The following MPDZ variants were observed in gnomAD, a reference collection of about 807,000 sequenced individuals.
MPDZ encodes multiple PDZ domain protein.
Under a neutral mutation model 239.1 loss-of-function variants are expected in MPDZ, and 234 were observed. The ratio of observed to expected loss-of-function variants is 0.98; its 90% CI spans 0.88 to 1.09. The LOEUF (loss-of-function observed/expected upper bound fraction) is 1.09. Among genes scored for constraint, MPDZ ranks in the 50% least tolerant of loss-of-function variants. MPDZ has a pLI of 0.00. For missense variants in MPDZ, 3,175 were observed against 2,510.0 expected (o/e 1.26, Z -5.66); for synonymous variants, 1,048 against 881.3 (o/e 1.19, Z -3.35).
At chr9:13,182,996 T>A (rs1397510862) in intron 19 of MPDZ, among the ~76,000 whole-genome samples, 1 of 152,166 alleles carries the variant, frequency 6.6e-6, no homozygotes, top group Admixed American at 6.6e-5. Flanking sequence ...TTAACTTAGC[T>A]AGTAAATGTT....
Position 13,167,681 on chromosome 9 carries a change from C to T in MPDZ, c.3254+685G>A, listed in dbSNP as rs1951244922. Among the ~76,000 whole-genome samples, 3 of 152,218 alleles carry T rather than the reference C, an allele frequency of 2.0e-5. No homozygotes were observed. In the South Asian group the frequency reaches 6.2e-4, roughly 32 times the overall value. On this transcript the variant is annotated intron_variant, in intron 22 of 46. Transcript: ENST00000319217. ...CAATGATTAATGCTAGAGGAAAATGCCACATTGATGAAGTGTCACAATAAA... is the reference window on the plus strand; with the variant it reads ...CAATGATTAATGCTAGAGGAAAATGTCACATTGATGAAGTGTCACAATAAA...
At chr9:13,123,896 T>C (rs1283157333) in intron 35 of MPDZ, among the ~76,000 whole-genome samples, 1 of 152,222 alleles carries the variant, frequency 6.6e-6, no homozygotes, top group Non-Finnish European at 1.5e-5. Context: ...TCTCACTTGA[T>C]GTTTTATACA....
chr9:13,144,678 A>G lies in MPDZ; in HGVS notation c.3742-1114T>C, dbSNP rs535319386. On this transcript the variant is annotated intron_variant, in intron 26 of 46. Transcript: ENST00000319217. ...TCTATCCTCAGTATGCCTGCACTAA[A>G]GCTTATGCCACATTACCCTTTCAAT... is the stretch of plus-strand genomic sequence containing the variant. Among the ~76,000 whole-genome samples, 5 of 152,206 alleles carry G rather than the reference A, an allele frequency of 3.3e-5. No individual in the cohort carries two copies. The South Asian group carries it at 1.0e-3, about 32-fold the overall frequency.
At chr9:13,117,514 G>A (rs1323129965) in intron 39 of MPDZ, among the ~76,000 whole-genome samples, 2 of 55,022 alleles carry the variant, frequency 3.6e-5, no homozygotes, top group Admixed American at 2.2e-4. Context: ...CTGGGCAACA[G>A]AGCGGGACTC....
chr9:13,193,390 A>C (rs1320251181), intron 13 of MPDZ, 77 bp from the exon 14 acceptor site: 1 of 1,413,494 alleles, frequency 7.1e-7, no homozygotes, highest in Non-Finnish European at 9.3e-7. Context: ...TTTATGTTTT[A>C]TGTTTACCCA....
chr9:13,188,697 A>G lies in MPDZ; in HGVS notation c.2364+87T>C, dbSNP rs989627710. 3.0e-5 allele frequency: 34 copies of G among 1,132,982 alleles called. 2 individuals are homozygous for G. The Admixed American group carries it at 4.6e-4, about 15-fold the overall frequency. 70.2% of individuals were successfully genotyped at this position (1,132,982 alleles called of 1,614,324 possible). On this transcript the variant is annotated intron_variant, in intron 17 of 46. Coordinates refer to ENST00000319217, the MANE Select transcript of MPDZ (RefSeq NM_001378778.1). ...GAAAACTACTAAAAGTCACGATTCA[A>G]TCATGAGAACACCTAAAGCGAAAAG...
intron 10 of MPDZ, among the ~76,000 whole-genome samples, chr9:13,213,685 G>T (rs544401774): frequency 6.6e-6 from 1 of 152,146 alleles, no homozygotes; most frequent in African/African-American, 2.4e-5. Flanking sequence ...GAAGTCAAGT[G>T]ATTTTATTGA....
At chr9:13,161,671 C>A (rs1950509598) in intron 23 of MPDZ, among the ~76,000 whole-genome samples, 2 of 152,080 alleles carry the variant, frequency 1.3e-5, no homozygotes, top group African/African-American at 4.8e-5. Context: ...ATTTGGTAGT[C>A]AGTTGCCAGC....
At chr9:13,267,273 T>G (rs1427251571) in intron 1 of MPDZ, among the ~76,000 whole-genome samples, 1 of 152,232 alleles carries the variant, frequency 6.6e-6, no homozygotes, top group Admixed American at 6.5e-5. Flanking sequence ...TGAAACCATT[T>G]GTTTATAATA....
chr9:13,215,820 T>G (rs1958255122), intron 10 of MPDZ, among the ~76,000 whole-genome samples: 1 of 132,692 alleles, frequency 7.5e-6, no homozygotes, highest in Admixed American at 9.5e-5. Flanking sequence ...CAGGCTGGAG[T>G]GCAGTGGTGC....
intron 23 of MPDZ, among the ~76,000 whole-genome samples, chr9:13,158,903 A>C (rs1950142898): frequency 1.3e-5 from 2 of 152,318 alleles, no homozygotes; most frequent in South Asian, 4.1e-4. Context: ...GAGAATGGTT[A>C]AACTGATTAT....
chr9:13,208,464 A>T lies in MPDZ; in HGVS notation c.1291-2365T>A, dbSNP rs560544797. ...CCTGTCTTACATAAATAAATATTAA[A>T]AAAAAAAAAAGACCTAGATCAGTTG... is the stretch of plus-strand genomic sequence containing the variant. On this transcript the variant is annotated intron_variant, in intron 10 of 46. Coordinates refer to ENST00000319217, the MANE Select transcript of MPDZ (RefSeq NM_001378778.1). Among the ~76,000 whole-genome samples, 117 of 151,360 alleles carry T rather than the reference A, an allele frequency of 7.7e-4. 1 individual carries two copies. The highest frequency in any genetic ancestry group is 2.7e-3 in the African/African-American group (113 of 41,308).
At chr9:13,128,230 CAA>C (rs1945406059) in intron 32 of MPDZ, among the ~76,000 whole-genome samples, 1 of 152,174 alleles carries the variant, frequency 6.6e-6, no homozygotes, top group African/African-American at 2.4e-5. Context: ...TTGATTCTAA[CAA>C]AGAGAATACA....
rs546601990 is a variant in MPDZ at position 13,121,895 on chromosome 9, T to C, written c.5075A>G (p.Glu1692Gly). 23 of 1,613,776 alleles carry C rather than the reference T, an allele frequency of 1.4e-5. No individual in the cohort carries two copies. The South Asian group carries it at 2.5e-4, about 18-fold the overall frequency. Residue 1692 changes from glutamate (E) to glycine (G), a missense_variant, in exon 38 of 47, where the codon GAA (glutamate) becomes GGA (glycine). Transcript: ENST00000319217. ...CGTCTGTCTCAGGACATTGATTGCT[T>C]CATCATGTGTGGCCTTTCTCAAGTC... ...GIDLRKATHDEAINVLRQTPQ... is the reference protein window; with the variant it reads ...GIDLRKATHDGAINVLRQTPQ...
chr9:13,279,038 C>G (rs1436303202), intron 1 of MPDZ: 1 of 152,284 alleles, frequency 6.6e-6, no homozygotes, highest in Non-Finnish European at 1.5e-5. Context: ...ACCTCTTAGT[C>G]AGCGAGAGCA....
rs142296131 is a variant in MPDZ, at chr9:13,126,216, A to G, written c.4632+300T>C. 6.2e-3 allele frequency among the ~76,000 whole-genome samples: 942 copies of G among 152,348 alleles called. 8 individuals are homozygous for G. The highest frequency in any genetic ancestry group is 0.021 in the African/African-American group (856 of 41,584). On this transcript the variant is annotated intron_variant, in intron 34 of 46. Transcript: ENST00000319217. ...TATAACAGCAAACATTCATTAAAAA[A>G]TATTTTGGCACTAACAGTCACTGTT...
chr9:13,204,409 G>A (rs377533477), intron 12 of MPDZ, among the ~76,000 whole-genome samples: 15 of 152,176 alleles, frequency 9.9e-5, no homozygotes, highest in Admixed American at 3.9e-4. Context: ...CCAACATGGC[G>A]AAATCTGTCT....
At chr9:13,129,620 G>T (rs908654291) in intron 32 of MPDZ, among the ~76,000 whole-genome samples, 2 of 152,118 alleles carry the variant, frequency 1.3e-5, no homozygotes, top group Non-Finnish European at 2.9e-5. Flanking sequence ...ATAGTCCTTA[G>T]CAAGAAGAGA....
intron 38 of MPDZ, 139 bp from the exon 39 acceptor site, chr9:13,119,788 G>C: frequency 1.2e-6 from 1 of 840,402 alleles, no homozygotes; most frequent in Non-Finnish European, 1.9e-6. Flanking sequence ...AGCAACACTG[G>C]GGCAACATTA....
Sources: allele counts gnomAD v4.1 joint callset (sites outside exome capture counted in the v4.1 genomes callset), GRCh38; gene constraint gnomAD v4.1.1; transcripts MANE v1.5; gene names NCBI Gene and HGNC (gene_info 2026-07-23, HGNC 2026-07-21).